CNTN6: variants seen among roughly 807,000 people sequenced by gnomAD.
CNTN6 encodes contactin-6.
In CNTN6, 137 loss-of-function variants were observed where a neutral mutation model predicts 122.8. That is an observed-to-expected ratio of 1.12 (90% CI 0.97 to 1.29). The LOEUF (loss-of-function observed/expected upper bound fraction) is 1.29, where lower values mean the gene tolerates loss of function less well. CNTN6 is among the 50% of genes most tolerant of loss of function. The pLI is 0.00. For synonymous variants in CNTN6, 570 were observed against 426.0 expected (o/e 1.34, Z -4.16); for missense variants, 1,634 against 1,223.4 (o/e 1.34, Z -5.01).
chr3:1,167,075 TGA>T (rs897786289), intron 2 of CNTN6, among the ~76,000 whole-genome samples: 2 of 147,012 alleles, frequency 1.4e-5, no homozygotes, highest in African/African-American at 5.0e-5. Context: ...ACAGTGGTTG[TGA>T]GAGAACAGTG....
At chr3:1,301,040 T>G (rs1230879311) in intron 7 of CNTN6, among the ~76,000 whole-genome samples, 1 of 141,198 alleles carries the variant, frequency 7.1e-6, no homozygotes, top group Non-Finnish European at 1.5e-5. Flanking sequence ...TTTTTTTTTT[T>G]TTTTTTTTTT....
chr3:1,297,880 A>G lies in CNTN6; in HGVS notation c.659-9A>G. 6.2e-7 allele frequency: 1 copy of G among 1,600,238 alleles called. No individual in the cohort carries two copies. The highest frequency in any genetic ancestry group is 2.2e-5 in the East Asian group (1 of 44,732). ...CAGAAATGCTGCTAGCTCTTTTGAT[A>G]TTTAACAGGTGTGATGGGGGAATAT... On this transcript the variant is annotated splice_polypyrimidine_tract_variant and intron_variant, in intron 6 of 22. Coordinates refer to ENST00000446702, the MANE Select transcript of CNTN6 (RefSeq NM_001289080.2).
At chr3:1,202,987 A>G (rs2093907237) in intron 2 of CNTN6, among the ~76,000 whole-genome samples, 1 of 152,180 alleles carries the variant, frequency 6.6e-6, no homozygotes, top group African/African-American at 2.4e-5. Flanking sequence ...GTAGCAAGAG[A>G]GTAATAGGAA....
chr3:1,164,886 T>G (rs1420407732), intron 2 of CNTN6, among the ~76,000 whole-genome samples: 1 of 152,220 alleles, frequency 6.6e-6, no homozygotes, highest in Non-Finnish European at 1.5e-5. Context: ...GGACTCAAGG[T>G]ACATTATATC....
intron 8 of CNTN6, among the ~76,000 whole-genome samples, chr3:1,324,072 A>T (rs1701216773): frequency 6.7e-6 from 1 of 149,642 alleles, no homozygotes; most frequent in Non-Finnish European, 1.5e-5. Context: ...ATACCCAGAA[A>T]CATGATTCAA....
chr3:1,267,270 A>G (rs1040252267), intron 4 of CNTN6, among the ~76,000 whole-genome samples: 2 of 151,956 alleles, frequency 1.3e-5, no homozygotes, highest in African/African-American at 4.8e-5. Context: ...TTGAGCAGGG[A>G]AAGTGGTATC....
At chr3:1,263,399 G>A (rs879503001) in intron 4 of CNTN6, among the ~76,000 whole-genome samples, 229 of 152,188 alleles carry the variant, frequency 1.5e-3, no homozygotes, top group Non-Finnish European at 2.7e-3. Context: ...TTTTGGAAGT[G>A]ACAAGCCATA....
intron 2 of CNTN6, among the ~76,000 whole-genome samples, chr3:1,148,618 A>T (rs941181362): frequency 9.2e-5 from 14 of 152,138 alleles, no homozygotes; most frequent in African/African-American, 3.4e-4. Context: ...ATGTTCTTTT[A>T]TTCAACTTGA....
intron 11 of CNTN6, among the ~76,000 whole-genome samples, chr3:1,342,096 G>A (rs1286590726): frequency 6.6e-6 from 1 of 151,772 alleles, no homozygotes; most frequent in African/African-American, 2.4e-5. Flanking sequence ...CCAAAAAAAA[G>A]TAACATAAAA....
At chr3:1,381,540 T>C (rs1478010482) in intron 17 of CNTN6, among the ~76,000 whole-genome samples, 1 of 152,108 alleles carries the variant, frequency 6.6e-6, no homozygotes, top group Non-Finnish European at 1.5e-5. Context: ...ACATGGTTCA[T>C]CACTGCTCTG....
chr3:1,311,741 T>C (rs964070729), intron 7 of CNTN6, among the ~76,000 whole-genome samples: 1 of 151,668 alleles, frequency 6.6e-6, no homozygotes, highest in African/African-American at 2.4e-5. Context: ...CCTGTCTTTA[T>C]TCTACTTTTA....
At chr3:1,316,589 T>G (rs1450558546) in intron 7 of CNTN6, among the ~76,000 whole-genome samples, 1 of 151,834 alleles carries the variant, frequency 6.6e-6, no homozygotes, top group African/African-American at 2.4e-5. Context: ...TACATGAGAT[T>G]TGGGCAGGGA....
chr3:1,285,880 CAGAG>C (rs1463720419), intron 5 of CNTN6, among the ~76,000 whole-genome samples: 30 of 152,324 alleles, frequency 2.0e-4, no homozygotes, highest in African/African-American at 5.5e-4. Context: ...AAACAACACA[CAGAG>C]AGGTCTACTG....
chr3:1,336,756 A>G (rs1347371409), intron 11 of CNTN6, among the ~76,000 whole-genome samples: 2 of 152,124 alleles, frequency 1.3e-5, no homozygotes, highest in African/African-American at 4.8e-5. Flanking sequence ...TGCTTCTTCA[A>G]TATTTTTGCC....
intron 1 of CNTN6, among the ~76,000 whole-genome samples, chr3:1,109,976 A>T (rs914382454): frequency 3.3e-5 from 5 of 152,108 alleles, no homozygotes; most frequent in African/African-American, 1.2e-4. Flanking sequence ...GTTTTGAACT[A>T]CCCATCGATC....
intron 20 of CNTN6, among the ~76,000 whole-genome samples, chr3:1,398,160 T>C (rs1462721315): frequency 6.6e-6 from 1 of 152,114 alleles, no homozygotes; most frequent in Non-Finnish European, 1.5e-5. Context: ...TGTGGCAGTG[T>C]TTTGGTTTCT....
intron 7 of CNTN6, among the ~76,000 whole-genome samples, chr3:1,312,077 C>T (rs899535296): frequency 2.6e-5 from 4 of 151,862 alleles, no homozygotes; most frequent in East Asian, 3.9e-4. Flanking sequence ...TAAAATACTA[C>T]GATTTCTAAA....
chr3:1,128,933 T>C (rs190608938), intron 1 of CNTN6, among the ~76,000 whole-genome samples: 3 of 152,168 alleles, frequency 2.0e-5, no homozygotes, highest in African/African-American at 7.2e-5. Context: ...TTATTTCTTA[T>C]CTTCTCTAAT....
rs114222959 is a variant in CNTN6, at chr3:1,249,750, C to G, written c.358+21757C>G. On this transcript the variant is annotated intron_variant, in intron 4 of 22. Transcript: ENST00000446702. ...CCCTCCTGTAATTCTTCCAGAAATC[C>G]CATCCAAACAAGCTACTAGAGTTCT... Among the ~76,000 whole-genome samples the G allele has an allele frequency of 8.8e-3, 1,338 of 152,186 alleles. 21 individuals carry two copies. The highest frequency in any genetic ancestry group is 0.029 in the African/African-American group (1,214 of 41,518).
Sources: allele counts gnomAD v4.1 joint callset (sites outside exome capture counted in the v4.1 genomes callset), GRCh38; gene constraint gnomAD v4.1.1; transcripts MANE v1.5; gene names NCBI Gene and HGNC (gene_info 2026-07-23, HGNC 2026-07-21).